AIFM2: variants seen among roughly 807,000 people sequenced by gnomAD.
The protein encoded by AIFM2 is ferroptosis suppressor protein 1.
Under a neutral mutation model 35.7 loss-of-function variants are expected in AIFM2, and 38 were observed. That is an observed-to-expected ratio of 1.06 (90% CI 0.82 to 1.39). AIFM2 has a LOEUF of 1.39. Among genes scored for constraint, AIFM2 ranks in the 40% most tolerant of loss-of-function variants. The pLI is 0.00. For missense variants in AIFM2, 476 were observed against 491.2 expected (o/e 0.97, Z 0.29); for synonymous variants, 185 against 203.5 (o/e 0.91, Z 0.77).
chr10:70,119,212 T>C (rs2072470785), intron 5 of AIFM2, among the ~76,000 whole-genome samples: 1 of 152,250 alleles, frequency 6.6e-6, no homozygotes, highest in African/African-American at 2.4e-5. Flanking sequence ...ATTTTTATCC[T>C]TTAAAACATC....
Position 70,124,025 on chromosome 10 carries a change from GC to G in AIFM2, c.59del (p.Gly20AlafsTer14). 5 of 1,612,054 alleles carry G rather than the reference GC, an allele frequency of 3.1e-6. No homozygotes were observed. The highest frequency in any genetic ancestry group is 4.2e-6 in the Non-Finnish European group (5 of 1,179,038). On this transcript the variant is annotated frameshift_variant, in exon 2 of 9. Coordinates refer to ENST00000307864, the MANE Select transcript of AIFM2 (RefSeq NM_032797.6). LOFTEE classifies it high-confidence loss of function. ...GALHVVIVGG[G>X]FGGIAAASQL... ...GGCTGGCTGCTGCGATCCCGCCAAA[GC>G]CCCCACCCACAATCACCACGTGCAG... is the stretch of plus-strand genomic sequence containing the variant.
intron 8 of AIFM2, 91 bp from the exon 9 acceptor site, chr10:70,114,420 A>G: frequency 6.6e-7 from 1 of 1,506,158 alleles, no homozygotes; most frequent in Non-Finnish European, 9.0e-7. Context: ...AGGCCTTCAG[A>G]CTCAGGGCCG....
Position 70,127,313 on chromosome 10 carries a change from C to G in AIFM2, c.-13-3216G>C, listed in dbSNP as rs183929312. Among the ~76,000 whole-genome samples the G allele has an allele frequency of 3.3e-5, 5 of 152,340 alleles. No homozygotes were observed. In the East Asian group the frequency reaches 7.7e-4, roughly 24 times the overall value. On this transcript the variant is annotated intron_variant, in intron 1 of 8. Coordinates refer to ENST00000307864, the MANE Select transcript of AIFM2 (RefSeq NM_032797.6). The stretch of plus-strand genomic sequence containing the variant: ...CTACGCAGCTGGCCGGGGATAGGGA[C>G]AGGGGAGTCCACTGTGCGTCAGGTC...
At chr10:70,124,214 G>C (rs922598040) in intron 1 of AIFM2, 117 bp from the exon 2 acceptor site, 1 of 740,428 alleles carries the variant, frequency 1.4e-6, no homozygotes, top group African/African-American at 1.8e-5. Flanking sequence ...GTAAATCTTT[G>C]ATTAATGAAA....
chr10:70,130,970 TCA>T (rs2072620791), intron 1 of AIFM2, among the ~76,000 whole-genome samples: 1 of 152,112 alleles, frequency 6.6e-6, no homozygotes, highest in African/African-American at 2.4e-5. Context: ...AAAAATTTGC[TCA>T]GTCAATCCTG....
Position 70,112,340 on chromosome 10 carries a change from C to T in AIFM2, c.*1838G>A, listed in dbSNP as rs1181894721. On this transcript the variant is annotated 3_prime_UTR_variant, in exon 9 of 9. Coordinates refer to ENST00000307864, the MANE Select transcript of AIFM2 (RefSeq NM_032797.6). ...GAAAACTGTGTCCCCACACGTAGGT[C>T]CTTCTAGAATATTGTAAGTCAATAG... The T allele has an allele frequency of 6.6e-6, 1 of 152,204 alleles. No homozygotes were observed. The highest frequency in any genetic ancestry group is 1.5e-5 in the Non-Finnish European group (1 of 68,032). The allele number at this position is 152,204 out of a possible 1,614,324, so 9.4% of individuals were successfully genotyped here.
chr10:70,131,346 C>T lies in AIFM2; in HGVS notation c.-14+1388G>A, dbSNP rs116801258. 0.018 allele frequency among the ~76,000 whole-genome samples: 2,759 copies of T among 152,238 alleles called. 50 individuals are homozygous for T. The highest frequency in any genetic ancestry group is 0.052 in the African/African-American group (2,152 of 41,536). Reference sequence around the variant, plus strand: ...GCACCATGGAGGTTTCCTCCACCTGCGGGACACAGCAGGATGGAGACGGTT... The same window carrying T: ...GCACCATGGAGGTTTCCTCCACCTGTGGGACACAGCAGGATGGAGACGGTT... On this transcript the variant is annotated intron_variant, in intron 1 of 8. Coordinates refer to ENST00000307864, the MANE Select transcript of AIFM2 (RefSeq NM_032797.6). The surrounding 1 kb of genome is among the most constrained non-coding windows in gnomAD (Gnocchi z 4.1).
At chr10:70,123,662 AC>A (rs1192653324) in intron 2 of AIFM2, 142 bp from the exon 3 acceptor site, 3 of 811,428 alleles carry the variant, frequency 3.7e-6, no homozygotes, top group Non-Finnish European at 5.8e-6. Context: ...TGCCTGGGGT[AC>A]CCCTACTTCC....
At chr10:70,119,927 A>G (rs186966173) in intron 5 of AIFM2, among the ~76,000 whole-genome samples, 40 of 152,362 alleles carry the variant, frequency 2.6e-4, no homozygotes, top group African/African-American at 8.9e-4. Flanking sequence ...GCAACAGGGC[A>G]GGCTGATGTC....
chr10:70,118,804 G>GTATCATTAC (rs2072466214), intron 5 of AIFM2, among the ~76,000 whole-genome samples: 1 of 152,130 alleles, frequency 6.6e-6, no homozygotes. Context: ...CAGAGCTCCT[G>GTATCATTAC]AGATCTTTGT....
chr10:70,131,438 C>T lies in AIFM2; in HGVS notation c.-14+1296G>A, dbSNP rs1303263000. Among the ~76,000 whole-genome samples, 1 of 152,172 alleles carries T rather than the reference C, an allele frequency of 6.6e-6. No homozygotes were observed. Among genetic ancestry groups the T allele is most frequent in the African/African-American group, 2.4e-5 (1 of 41,446 alleles). On this transcript the variant is annotated intron_variant, in intron 1 of 8. Transcript: ENST00000307864. The surrounding 1 kb of genome is among the most constrained non-coding windows in gnomAD (Gnocchi z 4.1). ...AGGGACTACTTGAAGAACAGAACCC[C>T]CAAAAGACCAGTTTCTGAAAAGGGA...
At chr10:70,119,618 AG>A (rs1157438573) in intron 5 of AIFM2, among the ~76,000 whole-genome samples, 1 of 152,212 alleles carries the variant, frequency 6.6e-6, no homozygotes, top group East Asian at 1.9e-4. Context: ...GAATGTAACT[AG>A]ATCAATCACT....
At position 70,116,722 on chromosome 10, in the gene AIFM2, G is replaced by A. The variant is rs766617874; in HGVS notation, c.669C>T (p.Tyr223=). 7.4e-6 allele frequency: 12 copies of A among 1,614,108 alleles called. No individual in the cohort carries two copies. The Admixed American group carries it at 1.3e-4, about 18-fold the overall frequency. The stretch of plus-strand genomic sequence containing the variant: ...TGCCTTTGTCCGTCTGCACTTTGAT[G>A]TACTCTCGATACTCATTGAGAGGCA... The part of the protein sequence containing the change: ...EELPLNEYRE[Y]IKVQTDKGTE... Residue 223 remains tyrosine (Y), a synonymous_variant, in exon 7 of 9, where the codon TAC becomes TAT. Coordinates refer to ENST00000307864, the MANE Select transcript of AIFM2 (RefSeq NM_032797.6).
chr10:70,122,722 T>C (rs2072522788), intron 3 of AIFM2, among the ~76,000 whole-genome samples: 1 of 152,258 alleles, frequency 6.6e-6, no homozygotes, highest in African/African-American at 2.4e-5. Context: ...GCATGGGCTC[T>C]GGGCTAAAAT....
chr10:70,119,096 G>C (rs1476147506), intron 5 of AIFM2, among the ~76,000 whole-genome samples: 1 of 152,160 alleles, frequency 6.6e-6, no homozygotes, highest in Non-Finnish European at 1.5e-5. Flanking sequence ...TGGTGAACAT[G>C]TCCACATGCC....
intron 1 of AIFM2, among the ~76,000 whole-genome samples, chr10:70,132,388 G>C (rs1383963769): frequency 1.3e-5 from 2 of 152,210 alleles, no homozygotes; most frequent in East Asian, 3.9e-4. Flanking sequence ...CGCAAGATCC[G>C]GGTTACACCC....
At chr10:70,120,976 T>A (rs1188863232) in intron 4 of AIFM2, 116 bp downstream of exon 4, 5 of 1,487,592 alleles carry the variant, frequency 3.4e-6, no homozygotes, top group Non-Finnish European at 3.6e-6. Context: ...TCCAACTCTA[T>A]GGCTACAGCC....
At chr10:70,127,755 A>G (rs1324076211) in intron 1 of AIFM2, among the ~76,000 whole-genome samples, 8 of 152,202 alleles carry the variant, frequency 5.3e-5, no homozygotes, top group Non-Finnish European at 1.0e-4. Flanking sequence ...CACCCAAGGA[A>G]GGCAAATTGC....
Position 70,131,588 on chromosome 10 carries a change from C to T in AIFM2, c.-14+1146G>A, listed in dbSNP as rs1384453858. On this transcript the variant is annotated intron_variant, in intron 1 of 8. Coordinates refer to ENST00000307864, the MANE Select transcript of AIFM2 (RefSeq NM_032797.6). This position sits in a 1 kb window ranked among gnomAD's most constrained non-coding sequence, Gnocchi z 4.1. The stretch of plus-strand genomic sequence containing the variant: ...ACCTAGGCCAAGCAATTTGTCCATC[C>T]TCCTCAGAGCCAGTTTTGTGGTCCC... Among the ~76,000 whole-genome samples the T allele has an allele frequency of 6.6e-6, 1 of 152,240 alleles. No individual in the cohort carries two copies. Among genetic ancestry groups the T allele is most frequent in the Non-Finnish European group, 1.5e-5 (1 of 68,050 alleles).
Sources: gnomAD v4.1 joint callset for allele counts (sites outside exome capture counted in the v4.1 genomes callset) on GRCh38, gnomAD v4.1.1 for gene constraint, Gnocchi (gnomAD v3.1) non-coding constraint, MANE v1.5 for transcripts, NCBI Gene and HGNC (gene_info 2026-07-23, HGNC 2026-07-21) for gene names.